The following FES variants were observed in gnomAD, a reference collection of about 807,000 sequenced individuals.
FES encodes FES proto-oncogene, tyrosine kinase.
Under a neutral mutation model 109.6 loss-of-function variants are expected in FES, and 83 were observed. That is an observed-to-expected ratio of 0.76 (90% CI 0.63 to 0.91). FES has a LOEUF of 0.91. Among genes scored for constraint, FES ranks in the 40% least tolerant of loss-of-function variants. The pLI, the probability that FES is intolerant of heterozygous loss-of-function variation, is 0.00. For synonymous variants in FES, 458 were observed against 442.1 expected, an observed-to-expected ratio of 1.04 and a Z score of -0.45; for missense variants, 943 against 1,070.9, an observed-to-expected ratio of 0.88 and a Z score of 1.67.
intron 18 of FES, among the ~76,000 whole-genome samples, chr15:90,894,344 G>A (rs1469231007): frequency 6.6e-6 from 1 of 152,178 alleles, no homozygotes; most frequent in Non-Finnish European, 1.5e-5. Flanking sequence ...CAGCACTTTG[G>A]GAGGCCGAGG....
At chr15:90,885,385 C>A in intron 2 of FES, 27 bp from the exon 3 acceptor site, 1 of 1,600,336 alleles carries the variant, frequency 6.2e-7, no homozygotes, top group South Asian at 1.1e-5. Context: ...TGCCCCCCTC[C>A]CTGCCTCCCC....
chr15:90,887,552 A>G (rs568549430), intron 5 of FES, among the ~76,000 whole-genome samples, 182 bp downstream of exon 5: 1 of 152,216 alleles, frequency 6.6e-6, no homozygotes, highest in Non-Finnish European at 1.5e-5. Flanking sequence ...ACACTATTCC[A>G]GGGTCTCATT....
At chr15:90,890,858 T>C (rs2033145581) in intron 10 of FES, 124 bp from the exon 11 acceptor site, 1 of 984,474 alleles carries the variant, frequency 1.0e-6, no homozygotes, top group Admixed American at 2.2e-5. Context: ...TGGATGGCTC[T>C]GCATGCCACT....
At position 90,890,158 on chromosome 15, in the gene FES, C is replaced by T. The variant is rs1567097716; in HGVS notation, c.1116C>T (p.Cys372=). 3 of 1,597,074 alleles carry T rather than the reference C, an allele frequency of 1.9e-6. No individual in the cohort carries two copies. The highest frequency in any genetic ancestry group is 2.5e-6 in the Non-Finnish European group (3 of 1,177,046). ...TGCAGGGGCTGCAGGTAGCGCTGTG[C>T]AGCCAGGCCAAGCTGCAGGCCCAGC... The part of the protein sequence containing the change: ...EALQGLQVAL[C]SQAKLQAQQE... The change falls in exon 9 of 19, where the codon TGC becomes TGT. Residue 372 remains cysteine (C), a synonymous_variant. Transcript: ENST00000328850.
In FES at chr15:90,895,432, C is replaced by A; in HGVS notation, c.2343C>A (p.Cys781Ter). 6.4e-7 allele frequency: 1 copy of A among 1,570,408 alleles called. No homozygotes were observed. The highest frequency in any genetic ancestry group is 8.7e-7 in the Non-Finnish European group (1 of 1,154,878). ...EFVEKGGRLP[C>*]PELCPDAVFR... Reference sequence around the variant, plus strand: ...TCCTCACAGGGGGCCGTCTGCCCTGCCCAGAGCTGTGTCCTGATGCCGTGT... The same window carrying A: ...TCCTCACAGGGGGCCGTCTGCCCTGACCAGAGCTGTGTCCTGATGCCGTGT... The change falls in exon 19 of 19, where the codon TGC becomes TGA. Residue 781 changes from cysteine to a stop codon, truncating the protein, a stop_gained. Coordinates refer to ENST00000328850, the MANE Select transcript of FES (RefSeq NM_002005.4). LOFTEE classifies it high-confidence loss of function.
At position 90,892,818 on chromosome 15, in the gene FES, G is replaced by A; in HGVS notation, c.1819G>A (p.Glu607Lys). The change falls in exon 14 of 19, where the codon GAA becomes AAA. Residue 607 changes from glutamate to lysine, a missense_variant. Physicochemically the swap from Glu to Lys is moderately conservative, Grantham distance 56 (BLOSUM62 1). Coordinates refer to ENST00000328850, the MANE Select transcript of FES (RefSeq NM_002005.4). ...PPDLKAKFLQEARILKQYSHP... is the reference protein window; with the variant it reads ...PPDLKAKFLQKARILKQYSHP... ...TGACCTCAAGGCCAAGTTTCTACAG[G>A]AAGCGAGGTGGGTGATAAACTAATG... 13 of 1,613,472 alleles carry A rather than the reference G, an allele frequency of 8.1e-6. No individual in the cohort carries two copies. Among genetic ancestry groups the A allele is most frequent in the Non-Finnish European group, 1.0e-5 (12 of 1,179,716 alleles).
At chr15:90,890,021 A>C in intron 8 of FES, 59 bp downstream of exon 8, 1 of 1,589,878 alleles carries the variant, frequency 6.3e-7, no homozygotes, top group Non-Finnish European at 8.6e-7. Context: ...ACCTACCCTA[A>C]CTGCTGCTGG....
intron 3 of FES, 93 bp downstream of exon 3, chr15:90,885,678 G>GCCTCT: frequency 6.7e-7 from 1 of 1,499,266 alleles, no homozygotes; most frequent in Non-Finnish European, 8.9e-7. Context: ...ATTCACTGGG[G>GCCTCT]AAGTGTAAGT....
intron 11 of FES, 94 bp from the exon 12 acceptor site, chr15:90,891,459 AG>A (rs762109487): frequency 1.3e-6 from 2 of 1,538,290 alleles, no homozygotes; most frequent in South Asian, 2.2e-5. Flanking sequence ...GGTCCTGGGC[AG>A]GCCCTTTCTC....
At chr15:90,890,888 G>A (rs368653044) in intron 10 of FES, 94 bp from the exon 11 acceptor site, 12 of 1,240,806 alleles carry the variant, frequency 9.7e-6, no homozygotes, top group East Asian at 7.6e-5. Context: ...TAAGGGCTGA[G>A]GGCATATAGG....
chr15:90,885,452 G>T lies in FES; in HGVS notation c.254G>T (p.Arg85Leu), dbSNP rs762239944. ...ACCAGCCAAACTGAGGGCCTGAGCCGCTTGCTGCGGCAGCACGCAGAGGAT... is the reference window on the plus strand; with the variant it reads ...ACCAGCCAAACTGAGGGCCTGAGCCTCTTGCTGCGGCAGCACGCAGAGGAT... ...EITSQTEGLS[R>L]LLRQHAEDLN... Residue 85 changes from arginine to leucine, a missense_variant, in exon 3 of 19, where the codon CGC (arginine) becomes CTC (leucine). Arg to Leu is a moderately radical substitution (Grantham distance 102). Coordinates refer to ENST00000328850, the MANE Select transcript of FES (RefSeq NM_002005.4). 2 of 1,613,282 alleles carry T rather than the reference G, an allele frequency of 1.2e-6. No individual in the cohort carries two copies. Among genetic ancestry groups the T allele is most frequent in the South Asian group, 2.2e-5 (2 of 91,076 alleles).
Position 90,889,984 on chromosome 15 carries a change from G to A in FES, c.1049+22G>A. 3.7e-6 allele frequency: 6 copies of A among 1,611,602 alleles called. 1 individual carries two copies. In the South Asian group the frequency reaches 6.6e-5, roughly 18 times the overall value. On this transcript the variant is annotated intron_variant, in intron 8 of 18. Coordinates refer to ENST00000328850, the MANE Select transcript of FES (RefSeq NM_002005.4). This position sits in a 1 kb window ranked among gnomAD's most constrained non-coding sequence, Gnocchi z 6.1. ...AGCGGTGAGTGGGCCCCTGCCTGCA[G>A]CAGCCTCCTGGGCCTCCCTCCCTCC... is the stretch of plus-strand genomic sequence containing the variant.
Position 90,892,622 on chromosome 15 carries a change from A to G in FES, c.1708-85A>G, listed in dbSNP as rs959526303. 3.6e-6 allele frequency: 5 copies of G among 1,384,172 alleles called. No individual in the cohort carries two copies. In the Admixed American group the frequency reaches 8.2e-5, roughly 23 times the overall value. 85.7% of individuals were successfully genotyped at this position (1,384,172 alleles called of 1,614,324 possible). ...GTCCGAACACGGGGGCCCCTCACCC[A>G]GGGGTAGGAAGCAGAATGGGTAGGA... On this transcript the variant is annotated intron_variant, in intron 13 of 18. Transcript: ENST00000328850.
At position 90,890,420 on chromosome 15, in the gene FES, G is replaced by A. The variant is rs575070040; in HGVS notation, c.1256G>A (p.Gly419Glu). 55 of 1,613,058 alleles carry A rather than the reference G, an allele frequency of 3.4e-5. No individual in the cohort carries two copies. Among genetic ancestry groups the A allele is most frequent in the Admixed American group, 3.0e-4 (18 of 59,988 alleles). ...CCTCAGGAGCAGGAGCGAGAGGGGGGAAGGACACCCACGCTGGAGATCCTT... is the reference window on the plus strand; with the variant it reads ...CCTCAGGAGCAGGAGCGAGAGGGGGAAAGGACACCCACGCTGGAGATCCTT... Reference protein sequence around the residue: ...TSSSEQEREGGRTPTLEILKS... With the variant: ...TSSSEQEREGERTPTLEILKS... Residue 419 changes from glycine to glutamate, a missense_variant, in exon 10 of 19, where the codon GGA becomes GAA. Coordinates refer to ENST00000328850, the MANE Select transcript of FES (RefSeq NM_002005.4).
In FES at chr15:90,889,976, T is replaced by A; in HGVS notation, c.1049+14T>A. ...CCCCCGGGAGCGGTGAGTGGGCCCC[T>A]GCCTGCAGCAGCCTCCTGGGCCTCC... On this transcript the variant is annotated intron_variant, in intron 8 of 18. Coordinates refer to ENST00000328850, the MANE Select transcript of FES (RefSeq NM_002005.4). This position sits in a 1 kb window ranked among gnomAD's most constrained non-coding sequence, Gnocchi z 6.1. 1.9e-6 allele frequency: 3 copies of A among 1,612,364 alleles called. No individual in the cohort carries two copies. Among genetic ancestry groups the A allele is most frequent in the Non-Finnish European group, 2.5e-6 (3 of 1,179,696 alleles).
Position 90,895,424 on chromosome 15 carries a change from C to T in FES, c.2335C>T (p.Leu779=). Residue 779 remains leucine, a synonymous_variant, in exon 19 of 19, where the codon CTG becomes TTG. Coordinates refer to ENST00000328850, the MANE Select transcript of FES (RefSeq NM_002005.4). The part of the protein sequence containing the change: ...TREFVEKGGR[L]PCPELCPDAV... The stretch of plus-strand genomic sequence containing the variant: ...TGTGCCTCTCCTCACAGGGGGCCGT[C>T]TGCCCTGCCCAGAGCTGTGTCCTGA... The T allele has an allele frequency of 6.5e-7, 1 of 1,546,272 alleles. No homozygotes were observed. Among genetic ancestry groups the T allele is most frequent in the Non-Finnish European group, 8.8e-7 (1 of 1,141,924 alleles).
At position 90,893,329 on chromosome 15, in the gene FES, C is replaced by A; in HGVS notation, c.1960C>A (p.Arg654Ser). 6.3e-7 allele frequency: 1 copy of A among 1,578,098 alleles called. No homozygotes were observed. The change falls in exon 16 of 19, where the codon CGC becomes AGC. Residue 654 changes from arginine (R) to serine (S), a missense_variant. Physicochemically the swap from Arg to Ser is moderately radical, Grantham distance 110. Transcript: ENST00000328850. ...GACCTTCCTCCGCACGGAGGGGGCC[C>A]GCCTGCGGGTGAAGACTCTGCTGCA... ...FLTFLRTEGARLRVKTLLQMV... is the reference protein window; with the variant it reads ...FLTFLRTEGASLRVKTLLQMV...
At chr15:90,886,801 G>C (rs1028254116) in intron 3 of FES, among the ~76,000 whole-genome samples, 160 bp from the exon 4 acceptor site, 1 of 152,222 alleles carries the variant, frequency 6.6e-6, no homozygotes, top group African/African-American at 2.4e-5. Context: ...GTCTTTAACA[G>C]GCTCTCTGAT....
Position 90,895,732 on chromosome 15 carries a change from T to C in FES, c.*174T>C. 1 of 505,514 alleles carries C rather than the reference T, an allele frequency of 2.0e-6. No individual in the cohort carries two copies. Among genetic ancestry groups the C allele is most frequent in the Non-Finnish European group, 3.3e-6 (1 of 300,300 alleles). 31.3% of individuals were successfully genotyped at this position (505,514 alleles called of 1,614,324 possible). A position where few individuals can be genotyped will look rare whatever the true frequency, so the allele number is the denominator to read the frequency against. On this transcript the variant is annotated 3_prime_UTR_variant, in exon 19 of 19. Transcript: ENST00000328850. ...TCTGTGTCCCTGCTGCTGCCAGGGC[T>C]TCCTCTTCCGGGCAGAAACAATAAA...
Sources: allele counts gnomAD v4.1 joint callset (sites outside exome capture counted in the v4.1 genomes callset), GRCh38; gene constraint gnomAD v4.1.1; non-coding constraint Gnocchi (gnomAD v3.1); transcripts MANE v1.5; gene names NCBI Gene and HGNC (gene_info 2026-07-23, HGNC 2026-07-21).